TMEM80: variants seen among roughly 807,000 people sequenced by gnomAD.
TMEM80 encodes transmembrane protein 80.
A neutral mutation model predicts 13.6 loss-of-function variants in TMEM80; 16 were observed. The ratio of observed to expected loss-of-function variants is 1.17; its 90% CI spans 0.79 to 1.78. The LOEUF is 1.78. Among genes scored for constraint, TMEM80 ranks in the 40% most tolerant of loss-of-function variants. The pLI is 0.00. For missense variants in TMEM80, 167 were observed against 184.6 expected (o/e 0.90, Z 0.55); for synonymous variants, 92 against 89.5 (o/e 1.03, Z -0.16).
At chr11:700,775 A>C in intron 4 of TMEM80, 68 bp downstream of exon 4, 2 of 1,400,812 alleles carry the variant, frequency 1.4e-6, no homozygotes, top group Non-Finnish European at 2.0e-6. Flanking sequence ...CAGCCTTTCA[A>C]GAGTAATTAT....
intron 4 of TMEM80, among the ~76,000 whole-genome samples, chr11:702,305 C>T (rs574160609): frequency 2.0e-5 from 3 of 152,356 alleles, no homozygotes; most frequent in East Asian, 1.9e-4. Flanking sequence ...TGGGAGGGTG[C>T]GAGCACCGCT....
Position 703,378 on chromosome 11 carries a change from A to G in TMEM80, c.*228A>G. On this transcript the variant is annotated 3_prime_UTR_variant, in exon 5 of 5. Coordinates refer to ENST00000397510, the MANE Select transcript of TMEM80 (RefSeq NM_001042463.3). ...AACAGCTGCGGGGAGGGTAGGGACC[A>G]GACAGAACTGCCTTCAAGATGAGTC... 1 of 1,379,786 alleles carries G rather than the reference A, an allele frequency of 7.2e-7. No individual in the cohort carries two copies. Among genetic ancestry groups the G allele is most frequent in the Non-Finnish European group, 9.3e-7 (1 of 1,071,794 alleles). The allele number at this position is 1,379,786 out of a possible 1,614,324, so 85.5% of individuals were successfully genotyped here.
chr11:702,049 T>A (rs1250574410), intron 4 of TMEM80, among the ~76,000 whole-genome samples: 2 of 152,188 alleles, frequency 1.3e-5, no homozygotes, highest in Admixed American at 6.5e-5. Flanking sequence ...CCTGCCAGGC[T>A]GGAATCTTGG....
chr11:697,209 A>G (rs1041395731), intron 1 of TMEM80, among the ~76,000 whole-genome samples: 2 of 151,784 alleles, frequency 1.3e-5, no homozygotes, highest in African/African-American at 4.8e-5. Context: ...AGCTGTGATC[A>G]GGCCACTGCA....
At chr11:702,888 G>A (rs1047122648) in intron 4 of TMEM80, 57 bp from the exon 5 acceptor site, 43 of 1,513,278 alleles carry the variant, frequency 2.8e-5, no homozygotes, top group Middle Eastern at 2.4e-4. Context: ...ACCTGTGGGC[G>A]GTGGGCTCCA....
intron 1 of TMEM80, among the ~76,000 whole-genome samples, 190 bp from the exon 2 acceptor site, chr11:698,679 C>G (rs1861308129): frequency 6.6e-6 from 1 of 152,150 alleles, no homozygotes. Flanking sequence ...AGACTCCTAG[C>G]CTCATTGAAG....
chr11:700,539 AAGG>A (rs1487705445), intron 3 of TMEM80, 73 bp from the exon 4 acceptor site: 17 of 1,226,406 alleles, frequency 1.4e-5, no homozygotes, highest in Middle Eastern at 2.3e-4. Flanking sequence ...AAAAAAAAAA[AAGG>A]AAAAGGCAAG....
chr11:704,972 C>G, downstream of TMEM80: 1 of 318,348 alleles, frequency 3.1e-6, no homozygotes, highest in Non-Finnish European at 6.2e-6. Context: ...CAAGCTCATG[C>G]ATGGAGCAGG....
downstream of TMEM80, chr11:704,940 G>A (rs1349095960): frequency 5.8e-6 from 2 of 342,914 alleles, no homozygotes; most frequent in African/African-American, 2.1e-5. Flanking sequence ...TGGCGTGTGT[G>A]ACCCTGAGCT....
rs529917799 is a variant in TMEM80, at chr11:699,176, A to G, written c.39+288A>G. On this transcript the variant is annotated intron_variant, in intron 2 of 4. Transcript: ENST00000397510. ...TCTGTCTCGGCCGCTAGTGGCAGGAAGATGGAAATCCCTCACTTTGTCCCT... is the reference window on the plus strand; with the variant it reads ...TCTGTCTCGGCCGCTAGTGGCAGGAGGATGGAAATCCCTCACTTTGTCCCT... The G allele has an allele frequency of 2.1e-5, 10 of 483,830 alleles. No individual in the cohort carries two copies. In the South Asian group the frequency reaches 3.8e-4, roughly 18 times the overall value. 30.0% of individuals were successfully genotyped at this position (483,830 alleles called of 1,614,324 possible).
upstream of TMEM80, chr11:695,643 T>A: frequency 2.4e-6 from 3 of 1,244,896 alleles, no homozygotes; most frequent in Non-Finnish European, 2.0e-6. Context: ...CCTCTTCCCT[T>A]CCGAAAGTGC....
intron 1 of TMEM80, among the ~76,000 whole-genome samples, chr11:696,347 C>T (rs553052147): frequency 6.6e-6 from 1 of 152,186 alleles, no homozygotes; most frequent in South Asian, 2.1e-4. Context: ...CTCCCATACG[C>T]GGGCGCTGAA....
downstream of TMEM80, chr11:704,294 G>A: frequency 1.5e-6 from 1 of 685,708 alleles, no homozygotes; most frequent in Non-Finnish European, 2.1e-6. Context: ...GAGGCTGCGG[G>A]ACTGTCCTGG....
At chr11:700,559 T>C in intron 3 of TMEM80, 56 bp from the exon 4 acceptor site, 1 of 1,339,340 alleles carries the variant, frequency 7.5e-7, no homozygotes, top group Non-Finnish European at 1.1e-6. Flanking sequence ...CAAGCTGAGG[T>C]GGCTGCTGCT....
chr11:704,669 C>T (rs777819224), downstream of TMEM80: 143 of 1,285,730 alleles, frequency 1.1e-4, 1 homozygote, highest in Admixed American at 3.7e-4. Flanking sequence ...CCTCCAGTCT[C>T]AGCGAGCACA....
chr11:697,116 T>C (rs1268814904), intron 1 of TMEM80, among the ~76,000 whole-genome samples: 1 of 128,326 alleles, frequency 7.8e-6, no homozygotes, highest in East Asian at 2.5e-4. Context: ...AAAAAAAAAT[T>C]ACCTCAGGGA....
chr11:695,797 T>G, upstream of TMEM80: 1 of 1,235,368 alleles, frequency 8.1e-7, no homozygotes, highest in East Asian at 3.2e-5. Context: ...GCTGCCGGGA[T>G]CGCGACGGAC....
At chr11:700,335 A>T (rs760356564) in intron 3 of TMEM80, 100 bp downstream of exon 3, 33 of 1,103,694 alleles carry the variant, frequency 3.0e-5, no homozygotes, top group Non-Finnish European at 4.0e-5. Context: ...GAGACCAGCC[A>T]GGCCAACATG....
At position 700,151 on chromosome 11, in the gene TMEM80, G is replaced by C. The variant is rs1413911055; in HGVS notation, c.49G>C (p.Val17Leu). Reference sequence around the variant, plus strand: ...CTTAACCACTCACCAGCTCTCTTCAGTTCCCCTTCAAATGCTGTTTTATCT... The same window carrying C: ...CTTAACCACTCACCAGCTCTCTTCACTTCCCCTTCAAATGCTGTTTTATCT... The part of the protein sequence containing the change: ...GRGSSTVLSS[V>L]PLQMLFYLSG... Residue 17 changes from valine to leucine, a missense_variant, in exon 3 of 5, where the codon GTT becomes CTT. Coordinates refer to ENST00000397510, the MANE Select transcript of TMEM80 (RefSeq NM_001042463.3). 1 of 1,614,110 alleles carries C rather than the reference G, an allele frequency of 6.2e-7. No individual in the cohort carries two copies. Among genetic ancestry groups the C allele is most frequent in the Admixed American group, 1.7e-5 (1 of 60,012 alleles).
Sources: gnomAD v4.1 joint callset for allele counts (sites outside exome capture counted in the v4.1 genomes callset) on GRCh38, gnomAD v4.1.1 for gene constraint, MANE v1.5 for transcripts, NCBI Gene and HGNC (gene_info 2026-07-23, HGNC 2026-07-21) for gene names.